Variants in ADGRL3 observed in about 807,000 individuals in gnomAD.
ADGRL3 encodes the protein adhesion G protein-coupled receptor L3, also known as calcium-independent alpha-latrotoxin receptor 3.
A neutral mutation model predicts 153.5 loss-of-function variants in ADGRL3; 62 were observed. The observed-to-expected ratio is 0.40, with a 90% CI of 0.33 to 0.50. The LOEUF (loss-of-function observed/expected upper bound fraction) is 0.50. ADGRL3 is among the 20% of genes least tolerant of loss of function. The pLI is 0.47. For missense variants in ADGRL3, 1,641 were observed against 1,859.4 expected, an observed-to-expected ratio of 0.88 and a Z score of 2.16; for synonymous variants, 710 against 672.5, an observed-to-expected ratio of 1.06 and a Z score of -0.86.
intron 4 of ADGRL3, among the ~76,000 whole-genome samples, chr4:61,544,987 T>A (rs761902127): frequency 2.0e-5 from 3 of 152,188 alleles, no homozygotes; most frequent in Non-Finnish European, 2.9e-5. Flanking sequence ...TCTTTAAAAG[T>A]ATAATTGGAT....
At chr4:61,538,999 A>G (rs1474565175) in intron 4 of ADGRL3, among the ~76,000 whole-genome samples, 1 of 152,104 alleles carries the variant, frequency 6.6e-6, no homozygotes, top group Non-Finnish European at 1.5e-5. Context: ...TTCAGCTCAT[A>G]TAGACTGTCC....
Position 61,996,320 on chromosome 4 carries a change from T to C in ADGRL3, c.3266T>C (p.Ile1089Thr). The C allele has an allele frequency of 6.2e-7, 1 of 1,613,132 alleles. No homozygotes were observed. Among genetic ancestry groups the C allele is most frequent in the Non-Finnish European group, 8.5e-7 (1 of 1,179,220 alleles). The change falls in exon 20 of 27, where the codon ATT becomes ACT. Residue 1089 changes from isoleucine (I) to threonine (T), a missense_variant. Coordinates refer to ENST00000683033, the MANE Select transcript of ADGRL3 (RefSeq NM_001387552.1). ...TGGCTCCGACTTGACACCTACTTCA[T>C]TTGGAGTTTTATAGGACCAGCAACT... is the stretch of plus-strand genomic sequence containing the variant. ...VCWLRLDTYF[I>T]WSFIGPATLI...
chr4:61,736,693 A>C (rs2096520948), intron 8 of ADGRL3, among the ~76,000 whole-genome samples: 2 of 152,182 alleles, frequency 1.3e-5, no homozygotes, highest in South Asian at 4.1e-4. Context: ...ATGCTATTGA[A>C]GTAGCAAACA....
chr4:61,794,657 A>T (rs2097385641), intron 8 of ADGRL3, among the ~76,000 whole-genome samples: 1 of 152,210 alleles, frequency 6.6e-6, no homozygotes, highest in Non-Finnish European at 1.5e-5. Flanking sequence ...AAGACAAGTG[A>T]TTGTTCACTT....
chr4:62,043,283 G>A (rs1032307830), intron 24 of ADGRL3, among the ~76,000 whole-genome samples: 3 of 152,044 alleles, frequency 2.0e-5, no homozygotes, highest in Non-Finnish European at 4.4e-5. Context: ...TATCTTATAA[G>A]TTAGTATTTG....
intron 17 of ADGRL3, among the ~76,000 whole-genome samples, chr4:61,970,539 A>G (rs1236450260): frequency 6.6e-6 from 1 of 152,124 alleles, no homozygotes; most frequent in East Asian, 1.9e-4. Flanking sequence ...CATAATAAGT[A>G]TGCTTCTGAA....
intron 26 of ADGRL3, among the ~76,000 whole-genome samples, chr4:62,069,512 C>T (rs905078501): frequency 3.3e-5 from 5 of 151,906 alleles, no homozygotes; most frequent in Non-Finnish European, 1.5e-5. Context: ...CCTCATCATT[C>T]TGAGAAATTT....
At chr4:61,342,365 A>G (rs1379040085) in intron 1 of ADGRL3, among the ~76,000 whole-genome samples, 1 of 152,204 alleles carries the variant, frequency 6.6e-6, no homozygotes. Context: ...ATCATAAACT[A>G]CTAAATTATA....
At chr4:61,426,599 T>G (rs2097285206) in intron 2 of ADGRL3, 1 of 152,206 alleles carries the variant, frequency 6.6e-6, no homozygotes, top group Admixed American at 6.5e-5. Flanking sequence ...CATTTACCAA[T>G]GCCAACACTG....
At chr4:61,454,125 G>A (rs1248120860) in intron 2 of ADGRL3, among the ~76,000 whole-genome samples, 3 of 152,024 alleles carry the variant, frequency 2.0e-5, no homozygotes, top group Non-Finnish European at 2.9e-5. Context: ...AGCACAGTGC[G>A]TGGCACAAAG....
At chr4:62,068,354 TTTG>T in intron 26 of ADGRL3, 171 bp downstream of exon 26, 1 of 420,730 alleles carries the variant, frequency 2.4e-6, no homozygotes, top group Non-Finnish European at 4.1e-6. Context: ...ATTAGACGCT[TTTG>T]TTGTCTGATT....
intron 1 of ADGRL3, among the ~76,000 whole-genome samples, chr4:61,330,772 T>G (rs182676908): frequency 6.6e-6 from 1 of 152,184 alleles, no homozygotes; most frequent in Admixed American, 6.5e-5. Flanking sequence ...GTGGCCAGCT[T>G]TTATTCCCTT....
chr4:61,882,713 C>G (rs2098515715), intron 9 of ADGRL3, among the ~76,000 whole-genome samples: 1 of 152,162 alleles, frequency 6.6e-6, no homozygotes, highest in Non-Finnish European at 1.5e-5. Context: ...TTTGCAGATG[C>G]TATTCCCTCT....
chr4:61,570,795 A>G lies in ADGRL3; in HGVS notation c.260-16432A>G, dbSNP rs1380830324. Reference sequence around the variant, plus strand: ...CCAAATCCAGTGTTCTCTTCAACATAATCTAACACATATTCTCCCAGGTCA... The same window carrying G: ...CCAAATCCAGTGTTCTCTTCAACATGATCTAACACATATTCTCCCAGGTCA... On this transcript the variant is annotated intron_variant, in intron 4 of 26. Coordinates refer to ENST00000683033, the MANE Select transcript of ADGRL3 (RefSeq NM_001387552.1). Among the ~76,000 whole-genome samples the G allele has an allele frequency of 2.6e-5, 4 of 152,292 alleles. No homozygotes were observed. The East Asian group carries it at 7.7e-4, about 29-fold the overall frequency.
At position 61,965,169 on chromosome 4, in the gene ADGRL3, T is replaced by C. The variant is rs181418210; in HGVS notation, c.2806-14394T>C. ...CCCACCACCATGCCCGGCTAATTTT[T>C]GTATTTTTTTGTAGAGATGGGGTTT... On this transcript the variant is annotated intron_variant, in intron 17 of 26. Coordinates refer to ENST00000683033, the MANE Select transcript of ADGRL3 (RefSeq NM_001387552.1). Among the ~76,000 whole-genome samples the C allele has an allele frequency of 1.0e-2, 1,518 of 152,050 alleles. 22 individuals carry two copies. The highest frequency in any genetic ancestry group is 0.034 in the African/African-American group (1,420 of 41,498).
intron 1 of ADGRL3, among the ~76,000 whole-genome samples, chr4:61,369,833 A>G (rs2096485463): frequency 6.6e-6 from 1 of 152,066 alleles, no homozygotes. Flanking sequence ...CCTCTGGTAG[A>G]ATTCGGCTGT....
chr4:61,847,783 ATATAT>A lies in ADGRL3; in HGVS notation c.1480+33900_1480+33904del, dbSNP rs1363730163. On this transcript the variant is annotated intron_variant, in intron 9 of 26. Coordinates refer to ENST00000683033, the MANE Select transcript of ADGRL3 (RefSeq NM_001387552.1). ...ATACAAAATATATATATAATACAAA[ATATAT>A]TATATATATAATATAAAATATATTA... Among the ~76,000 whole-genome samples the A allele has an allele frequency of 5.0e-4, 16 of 32,050 alleles. 1 individual carries two copies. Among genetic ancestry groups the A allele is most frequent in the African/African-American group, 1.5e-3 (14 of 9,046 alleles). The allele number at this position is 32,050 out of a possible 152,430, so 21.0% of individuals were successfully genotyped here.
At chr4:62,041,785 G>T (rs1728432693) in intron 24 of ADGRL3, among the ~76,000 whole-genome samples, 1 of 151,890 alleles carries the variant, frequency 6.6e-6, no homozygotes, top group African/African-American at 2.4e-5. Context: ...TATAAGTGTG[G>T]CCTCTGTGCA....
chr4:61,840,252 G>A (rs2098008912), intron 9 of ADGRL3, among the ~76,000 whole-genome samples: 1 of 151,796 alleles, frequency 6.6e-6, no homozygotes, highest in African/African-American at 2.4e-5. Flanking sequence ...GCTAATTTTT[G>A]TATTTTTTGT....
Sources: gnomAD v4.1 joint callset for allele counts (sites outside exome capture counted in the v4.1 genomes callset) on GRCh38, gnomAD v4.1.1 for gene constraint, MANE v1.5 for transcripts, NCBI Gene and HGNC (gene_info 2026-07-23, HGNC 2026-07-21) for gene names.